The following VDAC1 variants were observed in gnomAD, a reference collection of about 807,000 sequenced individuals.
VDAC1 encodes the protein non-selective voltage-gated ion channel VDAC1.
In VDAC1, 10 loss-of-function variants were observed where a neutral mutation model predicts 34.7. The ratio of observed to expected loss-of-function variants is 0.29; its 90% confidence interval spans 0.18 to 0.49. The LOEUF (loss-of-function observed/expected upper bound fraction) is 0.49, where lower values mean the gene tolerates loss of function less well. VDAC1 is among the 20% of genes least tolerant of loss of function. The pLI is 0.99. For missense variants in VDAC1, 230 were observed against 347.9 expected, an observed-to-expected ratio of 0.66 and a Z score of 2.69; for synonymous variants, 130 against 136.0, an observed-to-expected ratio of 0.96 and a Z score of 0.30.
At chr5:134,018,300 A>T in the VDAC1 span, among the ~76,000 whole-genome samples, 1 of 152,316 alleles carries the variant, frequency 6.6e-6, no homozygotes, top group South Asian at 2.1e-4. Context: ...CAGCTCTAGC[A>T]TGAACTAACA....
the VDAC1 span, among the ~76,000 whole-genome samples, chr5:134,114,047 C>T: frequency 0.019 from 2,876 of 152,268 alleles, 95 homozygotes; most frequent in African/African-American, 0.065. Flanking sequence ...GAGCCGTCGC[C>T]TGACTGAGGG....
At chr5:134,036,900 C>A in the VDAC1 span, among the ~76,000 whole-genome samples, 1 of 151,884 alleles carries the variant, frequency 6.6e-6, no homozygotes, top group East Asian at 1.9e-4. Context: ...TTGTAATGAG[C>A]CTAGATCACG....
chr5:134,113,811 C>G, the VDAC1 span, among the ~76,000 whole-genome samples: 1 of 152,222 alleles, frequency 6.6e-6, no homozygotes, highest in African/African-American at 2.4e-5. Flanking sequence ...GAGGGTTAGT[C>G]AGGCCAGGGT....
At position 133,983,067 on chromosome 5, in the gene VDAC1, C is replaced by T. The variant is rs149002358; in HGVS notation, c.324-2111G>A. 7.0e-3 allele frequency among the ~76,000 whole-genome samples: 1,059 copies of T among 151,080 alleles called. 13 individuals carry two copies. Among genetic ancestry groups the T allele is most frequent in the African/African-American group, 0.022 (903 of 41,194 alleles). On this transcript the variant is annotated intron_variant, in intron 5 of 8. Transcript: ENST00000265333. The stretch of plus-strand genomic sequence containing the variant: ...GAGTTCGAGCCCAGCCTGACCAACA[C>T]GGAGAAATCCCGTCTCTACTAAAAA...
intron 8 of VDAC1, 56 bp from the exon 9 acceptor site, chr5:133,972,918 CAAG>C (rs756359682): frequency 5.3e-5 from 77 of 1,453,318 alleles, no homozygotes; most frequent in Non-Finnish European, 7.1e-5. Context: ...AAAGAAATGA[CAAG>C]AAAGATTAAC....
At chr5:134,047,613 G>A in the VDAC1 span, among the ~76,000 whole-genome samples, 6 of 152,258 alleles carry the variant, frequency 3.9e-5, no homozygotes, top group Non-Finnish European at 8.8e-5. Context: ...CATATGCTAA[G>A]CAGTATTTTA....
At chr5:134,000,631 C>T (rs1473548123) in intron 1 of VDAC1, among the ~76,000 whole-genome samples, 3 of 152,172 alleles carry the variant, frequency 2.0e-5, no homozygotes, top group African/African-American at 7.2e-5. Context: ...CCCACCCCAC[C>T]ACTTTCTAGG....
chr5:134,069,401 T>C, the VDAC1 span, among the ~76,000 whole-genome samples: 8 of 151,998 alleles, frequency 5.3e-5, no homozygotes, highest in African/African-American at 1.9e-4. Context: ...CAGAGGAACA[T>C]ATGAAGGTGG....
the VDAC1 span, among the ~76,000 whole-genome samples, chr5:134,029,896 A>C: frequency 2.0e-5 from 3 of 152,302 alleles, no homozygotes; most frequent in East Asian, 5.8e-4. Context: ...AGAACTATAC[A>C]CACACATTGT....
chr5:134,010,291 A>G, the VDAC1 span, among the ~76,000 whole-genome samples: 1 of 152,002 alleles, frequency 6.6e-6, no homozygotes, highest in Non-Finnish European at 1.5e-5. Flanking sequence ...TTGAGGAAAT[A>G]TGGTTACAAA....
chr5:133,998,083 A>G (rs988756655), intron 1 of VDAC1, among the ~76,000 whole-genome samples: 38 of 151,954 alleles, frequency 2.5e-4, no homozygotes, highest in Admixed American at 1.6e-3. Flanking sequence ...AAAAAAAAAA[A>G]AAAGAAAGAA....
At chr5:134,090,761 G>C in the VDAC1 span, among the ~76,000 whole-genome samples, 1 of 152,212 alleles carries the variant, frequency 6.6e-6, no homozygotes, top group African/African-American at 2.4e-5. Flanking sequence ...TTTTGTCAGA[G>C]AGCAACCTTC....
chr5:133,987,818 T>G (rs770879325), intron 5 of VDAC1, among the ~76,000 whole-genome samples: 18 of 152,008 alleles, frequency 1.2e-4, no homozygotes, highest in Non-Finnish European at 1.3e-4. Context: ...ATGAAGAGAG[T>G]TGGCAGACAC....
the VDAC1 span, among the ~76,000 whole-genome samples, chr5:134,111,688 AAGT>A: frequency 2.6e-5 from 4 of 152,134 alleles, no homozygotes; most frequent in Admixed American, 2.6e-4. Flanking sequence ...GCCACCCAGA[AAGT>A]CAGGGCTCCA....
the VDAC1 span, among the ~76,000 whole-genome samples, chr5:134,102,294 C>G: frequency 2.0e-5 from 3 of 152,094 alleles, no homozygotes; most frequent in African/African-American, 7.2e-5. Context: ...CACTCGTGGT[C>G]TGAATGGAGC....
the VDAC1 span, among the ~76,000 whole-genome samples, chr5:134,058,290 G>C: frequency 6.6e-6 from 1 of 151,594 alleles, no homozygotes; most frequent in Non-Finnish European, 1.5e-5. Flanking sequence ...GGCTGTCCCT[G>C]GCCAGCCAGG....
At chr5:134,015,939 C>T in the VDAC1 span, among the ~76,000 whole-genome samples, 6 of 151,754 alleles carry the variant, frequency 4.0e-5, no homozygotes, top group African/African-American at 1.2e-4. Flanking sequence ...CACGGTGCCC[C>T]GTCTACACCC....
At chr5:133,989,532 G>A (rs1753024378) in intron 5 of VDAC1, among the ~76,000 whole-genome samples, 1 of 151,268 alleles carries the variant, frequency 6.6e-6, no homozygotes, top group South Asian at 2.1e-4. Context: ...GCTAATTTTT[G>A]TATTTTTATT....
the VDAC1 span, among the ~76,000 whole-genome samples, chr5:134,102,244 GA>G: frequency 6.6e-6 from 1 of 152,148 alleles, no homozygotes; most frequent in African/African-American, 2.4e-5. Flanking sequence ...GGAGGCTGAG[GA>G]ACGGGCCACA....
Sources: gnomAD v4.1 joint callset for allele counts (sites outside exome capture counted in the v4.1 genomes callset) on GRCh38, gnomAD v4.1.1 for gene constraint, MANE v1.5 for transcripts, NCBI Gene and HGNC (gene_info 2026-07-23, HGNC 2026-07-21) for gene names.